The following ADARB2 variants were observed in gnomAD, a reference collection of about 807,000 sequenced individuals.
ADARB2 encodes the protein inactive double-stranded RNA-specific editase B2.
Under a neutral mutation model 62.2 loss-of-function variants are expected in ADARB2, and 25 were observed. The observed-to-expected ratio is 0.40, with a 90% CI of 0.29 to 0.56. ADARB2 has a LOEUF of 0.56. Among genes scored for constraint, ADARB2 ranks in the 20% least tolerant of loss-of-function variants. The probability of loss-of-function intolerance (pLI) is 0.43; values close to 1 mark genes in which losing one functional copy is unlikely to be tolerated. For synonymous variants in ADARB2, 572 were observed against 500.8 expected, an observed-to-expected ratio of 1.14 and a Z score of -1.90; for missense variants, 1,071 against 1,077.4, an observed-to-expected ratio of 0.99 and a Z score of 0.08.
intron 1 of ADARB2, among the ~76,000 whole-genome samples, chr10:1,457,170 C>G (rs919223764): frequency 2.3e-4 from 35 of 152,274 alleles, no homozygotes; most frequent in African/African-American, 8.2e-4. Context: ...CTCAAAACTA[C>G]AAAGGAAATC....
At chr10:1,406,442 TCACTGAAGCC>T (rs1481797169) in intron 1 of ADARB2, among the ~76,000 whole-genome samples, 2 of 151,826 alleles carry the variant, frequency 1.3e-5, no homozygotes, top group African/African-American at 4.8e-5. Context: ...GCTGGAGGGG[TCACTGAAGCC>T]CACAGAGGAT....
chr10:1,680,631 G>A (rs1180884954), intron 1 of ADARB2, among the ~76,000 whole-genome samples: 1 of 152,200 alleles, frequency 6.6e-6, no homozygotes, highest in Non-Finnish European at 1.5e-5. Flanking sequence ...CTGAAGGAGC[G>A]AGTGAAGATA....
chr10:1,635,335 T>C (rs1833906169), intron 1 of ADARB2, among the ~76,000 whole-genome samples: 1 of 152,236 alleles, frequency 6.6e-6, no homozygotes, highest in South Asian at 2.1e-4. Context: ...AGTGGTGAAC[T>C]CGGCAGGCTG....
intron 5 of ADARB2, among the ~76,000 whole-genome samples, chr10:1,234,231 C>G (rs1311966853): frequency 6.6e-6 from 1 of 152,032 alleles, no homozygotes; most frequent in Non-Finnish European, 1.5e-5. Context: ...TCAGGTGATC[C>G]ACCCACCTCA....
In ADARB2 at chr10:1,704,689, G is replaced by C. The variant is rs1054203854; in HGVS notation, c.100+32362C>G. On this transcript the variant is annotated intron_variant, in intron 1 of 9. Coordinates refer to ENST00000381312, the MANE Select transcript of ADARB2 (RefSeq NM_018702.4). The surrounding 1 kb of genome is among the most constrained non-coding windows in gnomAD (Gnocchi z 5.6). ...GGGTTTTGTGAGGGGTACATATAAA[G>C]TGGTTTGGAATCATGTGGGATTATT... 1.3e-5 allele frequency among the ~76,000 whole-genome samples: 2 copies of C among 152,216 alleles called. No homozygotes were observed. The highest frequency in any genetic ancestry group is 2.9e-5 in the Non-Finnish European group (2 of 68,036).
chr10:1,307,902 G>A (rs1342562006), intron 3 of ADARB2, among the ~76,000 whole-genome samples: 2 of 131,086 alleles, frequency 1.5e-5, no homozygotes, highest in African/African-American at 2.9e-5. Context: ...GACACAGGAA[G>A]GGGAACATCA....
intron 1 of ADARB2, among the ~76,000 whole-genome samples, chr10:1,504,878 C>T (rs1831817428): frequency 6.6e-6 from 1 of 152,112 alleles, no homozygotes; most frequent in African/African-American, 2.4e-5. Flanking sequence ...ATCCCTGAAT[C>T]TGGGACCCAG....
chr10:1,478,562 C>T (rs73580350), intron 1 of ADARB2, among the ~76,000 whole-genome samples: 1,939 of 152,252 alleles, frequency 0.013, 44 homozygotes, highest in African/African-American at 0.045. Flanking sequence ...AGGAGAATGT[C>T]AAAATAAGGA....
intron 1 of ADARB2, among the ~76,000 whole-genome samples, chr10:1,468,697 G>A (rs1194069191): frequency 6.6e-6 from 1 of 152,194 alleles, no homozygotes; most frequent in Non-Finnish European, 1.5e-5. Flanking sequence ...TCTGGTCCAA[G>A]GACAAGTGGT....
At chr10:1,270,566 T>G (rs1401981581) in intron 4 of ADARB2, among the ~76,000 whole-genome samples, 3 of 147,054 alleles carry the variant, frequency 2.0e-5, no homozygotes, top group African/African-American at 7.6e-5. Flanking sequence ...GGGTCACCCT[T>G]GTTTCTCAGA....
At chr10:1,552,304 C>G (rs1190055240) in intron 1 of ADARB2, among the ~76,000 whole-genome samples, 2 of 152,226 alleles carry the variant, frequency 1.3e-5, no homozygotes, top group African/African-American at 4.8e-5. Context: ...ACTGCACGCT[C>G]CCTCCTCTCT....
chr10:1,319,360 T>G (rs943628248), intron 3 of ADARB2, among the ~76,000 whole-genome samples: 33 of 152,178 alleles, frequency 2.2e-4, no homozygotes, highest in African/African-American at 7.2e-4. Flanking sequence ...TTTACCAAAC[T>G]TCCTGGGGGT....
intron 1 of ADARB2, among the ~76,000 whole-genome samples, chr10:1,526,267 G>C (rs1280059037): frequency 6.6e-6 from 1 of 152,060 alleles, no homozygotes; most frequent in Non-Finnish European, 1.5e-5. Flanking sequence ...TGCAGATGGG[G>C]CAGTCATTAA....
rs1392770204 is a variant in ADARB2 at position 1,398,266 on chromosome 10, G to T, written c.101-19106C>A. On this transcript the variant is annotated intron_variant, in intron 1 of 9. Coordinates refer to ENST00000381312, the MANE Select transcript of ADARB2 (RefSeq NM_018702.4). The surrounding 1 kb of genome is among the most constrained non-coding windows in gnomAD (Gnocchi z 4.1). ...GGTCACCGTCCGTCTCTCCCCTCCC[G>T]AGTGCAGGCTTCCTGGGGCAGGGCT... 6.6e-6 allele frequency among the ~76,000 whole-genome samples: 1 copy of T among 152,184 alleles called. No homozygotes were observed.
At chr10:1,700,677 ATGCAATCCCACTCCAC>A in intron 1 of ADARB2, among the ~76,000 whole-genome samples, 1 of 7,374 alleles carries the variant, frequency 1.4e-4, no homozygotes, top group Admixed American at 3.8e-3. Flanking sequence ...TCGCCAATAC[ATGCAATCCCACTCCAC>A]CGGGAGACCA....
At chr10:1,540,098 T>A (rs1832396425) in intron 1 of ADARB2, among the ~76,000 whole-genome samples, 1 of 152,210 alleles carries the variant, frequency 6.6e-6, no homozygotes, top group Admixed American at 6.5e-5. Context: ...AGCTCTGACT[T>A]GTTTTTAAAA....
At chr10:1,492,175 A>G (rs1355039630) in intron 1 of ADARB2, among the ~76,000 whole-genome samples, 1 of 152,216 alleles carries the variant, frequency 6.6e-6, no homozygotes, top group Non-Finnish European at 1.5e-5. Context: ...CGCCACACAG[A>G]GAAGTAAAAC....
At chr10:1,416,874 C>T (rs867585516) in intron 1 of ADARB2, among the ~76,000 whole-genome samples, 19 of 152,244 alleles carry the variant, frequency 1.2e-4, no homozygotes, top group African/African-American at 3.1e-4. Flanking sequence ...GAGAAGGTGT[C>T]GGCCTGGGGC....
intron 3 of ADARB2, among the ~76,000 whole-genome samples, chr10:1,340,694 C>T (rs1233863918): frequency 8.6e-6 from 1 of 115,704 alleles, no homozygotes; most frequent in East Asian, 2.9e-4. Flanking sequence ...TGGCAATAAC[C>T]GGCATCCACC....
Sources: allele counts gnomAD v4.1 joint callset (sites outside exome capture counted in the v4.1 genomes callset), GRCh38; gene constraint gnomAD v4.1.1; non-coding constraint Gnocchi (gnomAD v3.1); transcripts MANE v1.5; gene names NCBI Gene and HGNC (gene_info 2026-07-23, HGNC 2026-07-21).